RNGTT: variants seen among roughly 807,000 people sequenced by gnomAD.
RNGTT encodes the protein RNA guanylyltransferase and 5'-phosphatase.
In RNGTT, 33 loss-of-function variants were observed where a neutral mutation model predicts 79.3. The observed-to-expected ratio is 0.42, with a 90% confidence interval of 0.32 to 0.56. RNGTT has a LOEUF of 0.56. Ranked by LOEUF, RNGTT falls within the 20% of genes least tolerant of loss-of-function variation. The pLI is 0.17. For synonymous variants in RNGTT, 222 were observed against 235.9 expected (o/e 0.94, Z 0.54); for missense variants, 497 against 739.1 (o/e 0.67, Z 3.80).
intron 11 of RNGTT, among the ~76,000 whole-genome samples, chr6:88,831,523 C>G (rs1164265223): frequency 6.6e-6 from 1 of 152,172 alleles, no homozygotes; most frequent in Non-Finnish European, 1.5e-5. Context: ...CCTTTGAAAA[C>G]CAGCACAAGG....
intron 13 of RNGTT, among the ~76,000 whole-genome samples, chr6:88,733,514 GAATAAATATAAGT>G (rs1158319914): frequency 9.9e-5 from 15 of 151,722 alleles, no homozygotes; most frequent in Non-Finnish European, 1.5e-4. Context: ...GACTGAAGCA[GAATAAATATAAGT>G]AATAATGGCC....
intron 15 of RNGTT, among the ~76,000 whole-genome samples, chr6:88,613,106 T>C (rs947684362): frequency 1.3e-5 from 2 of 152,214 alleles, no homozygotes; most frequent in African/African-American, 4.8e-5. Flanking sequence ...ACCAAAACTT[T>C]AAATGTTTGG....
chr6:88,801,743 T>C (rs910166925), intron 11 of RNGTT, 111 bp from the exon 12 acceptor site: 1 of 643,298 alleles, frequency 1.6e-6, no homozygotes, highest in Non-Finnish European at 2.7e-6. Context: ...TTATAAGAAC[T>C]GAAATACAAA....
chr6:88,887,573 GT>G (rs1782908470), intron 8 of RNGTT, among the ~76,000 whole-genome samples: 2 of 152,110 alleles, frequency 1.3e-5, no homozygotes, highest in African/African-American at 4.8e-5. Flanking sequence ...GTGGAGCCTG[GT>G]TCTAGGAGAA....
At chr6:88,679,557 T>A (rs1349486192) in intron 13 of RNGTT, among the ~76,000 whole-genome samples, 1 of 152,156 alleles carries the variant, frequency 6.6e-6, no homozygotes, top group African/African-American at 2.4e-5. Flanking sequence ...AAAATAAAAA[T>A]CAAACCAAAT....
At chr6:88,801,691 A>C in intron 11 of RNGTT, 59 bp from the exon 12 acceptor site, 3 of 1,143,660 alleles carry the variant, frequency 2.6e-6, no homozygotes, top group South Asian at 2.6e-5. Flanking sequence ...AAAAGTATTT[A>C]AACTTCTTGC....
chr6:88,644,146 A>G (rs1334096257), intron 14 of RNGTT, among the ~76,000 whole-genome samples: 2 of 151,422 alleles, frequency 1.3e-5, no homozygotes, highest in African/African-American at 4.9e-5. Context: ...TCAAATAGAC[A>G]CAATAAAAAA....
chr6:88,641,767 AG>A (rs1345089195), intron 14 of RNGTT, among the ~76,000 whole-genome samples: 1 of 152,228 alleles, frequency 6.6e-6, no homozygotes, highest in African/African-American at 2.4e-5. Context: ...GACTCATTGA[AG>A]AAAAGAAACC....
At chr6:88,789,421 A>G (rs574921562) in intron 12 of RNGTT, among the ~76,000 whole-genome samples, 11 of 152,244 alleles carry the variant, frequency 7.2e-5, no homozygotes, top group African/African-American at 2.4e-4. Flanking sequence ...TTAGCTGGGC[A>G]TGGTGGGGTG....
intron 4 of RNGTT, among the ~76,000 whole-genome samples, chr6:88,921,961 T>C (rs931598546): frequency 1.3e-5 from 2 of 152,154 alleles, no homozygotes; most frequent in African/African-American, 4.8e-5. Context: ...TACAAGGCAC[T>C]TGAGCACTGA....
chr6:88,612,054 A>G lies in RNGTT; in HGVS notation c.*665T>C, dbSNP rs1405688606. The G allele has an allele frequency of 6.6e-6, 1 of 152,544 alleles. No individual in the cohort carries two copies. Among genetic ancestry groups the G allele is most frequent in the African/African-American group, 2.4e-5 (1 of 41,462 alleles). 9.4% of individuals were successfully genotyped at this position (152,544 alleles called of 1,614,324 possible). On this transcript the variant is annotated 3_prime_UTR_variant, in exon 16 of 16. Coordinates refer to ENST00000369485, the MANE Select transcript of RNGTT (RefSeq NM_003800.5). ...CTGATATCATAGTCGAAACAATACAAACAGATGAAAATACTCAAAATACTT... is the reference window on the plus strand; with the variant it reads ...CTGATATCATAGTCGAAACAATACAGACAGATGAAAATACTCAAAATACTT...
At chr6:88,923,858 A>C (rs1297279043) in intron 4 of RNGTT, among the ~76,000 whole-genome samples, 2 of 152,252 alleles carry the variant, frequency 1.3e-5, no homozygotes, top group Non-Finnish European at 2.9e-5. Context: ...TCACAATTAA[A>C]ATAGTTTTGT....
intron 4 of RNGTT, among the ~76,000 whole-genome samples, chr6:88,925,493 T>C (rs1784290455): frequency 6.6e-6 from 1 of 151,172 alleles, no homozygotes; most frequent in Non-Finnish European, 1.5e-5. Context: ...CTCGGGAGGC[T>C]GAGGTGGGAG....
At chr6:88,950,435 A>G (rs1488057598) in intron 1 of RNGTT, among the ~76,000 whole-genome samples, 3 of 152,158 alleles carry the variant, frequency 2.0e-5, no homozygotes, top group Non-Finnish European at 2.9e-5. Context: ...TATAACTGCC[A>G]TATACAGTAA....
intron 11 of RNGTT, among the ~76,000 whole-genome samples, chr6:88,838,643 A>G (rs1781162165): frequency 6.6e-6 from 1 of 152,164 alleles, no homozygotes; most frequent in Non-Finnish European, 1.5e-5. Context: ...TGCCAGGTTG[A>G]TGAACTAGAA....
chr6:88,830,405 T>C (rs896204766), intron 11 of RNGTT, among the ~76,000 whole-genome samples: 2 of 152,102 alleles, frequency 1.3e-5, no homozygotes, highest in Non-Finnish European at 2.9e-5. Flanking sequence ...CGTACCAGAA[T>C]CTTTGGGACA....
chr6:88,823,871 G>A (rs189903600), intron 11 of RNGTT, among the ~76,000 whole-genome samples: 1 of 152,252 alleles, frequency 6.6e-6, no homozygotes, highest in African/African-American at 2.4e-5. Context: ...AGCTATAAAA[G>A]CTAAGCACAG....
intron 11 of RNGTT, among the ~76,000 whole-genome samples, chr6:88,830,670 C>CA (rs938967594): frequency 6.7e-5 from 10 of 148,758 alleles, no homozygotes; most frequent in Non-Finnish European, 1.2e-4. Flanking sequence ...AAAATATTAA[C>CA]AAAATAGATA....
intron 14 of RNGTT, among the ~76,000 whole-genome samples, chr6:88,623,959 T>C (rs1247140732): frequency 6.6e-6 from 1 of 151,892 alleles, no homozygotes; most frequent in Non-Finnish European, 1.5e-5. Flanking sequence ...CAATGAACAG[T>C]TGGAAATTTA....
Sources: gnomAD v4.1 joint callset for allele counts (sites outside exome capture counted in the v4.1 genomes callset) on GRCh38, gnomAD v4.1.1 for gene constraint, MANE v1.5 for transcripts, NCBI Gene and HGNC (gene_info 2026-07-23, HGNC 2026-07-21) for gene names.